Variants in OPCML observed in about 807,000 individuals in gnomAD.
OPCML encodes opioid-binding protein/cell adhesion molecule.
A neutral mutation model predicts 37.8 loss-of-function variants in OPCML; 13 were observed. The ratio of observed to expected loss-of-function variants is 0.34; its 90% CI spans 0.22 to 0.55. OPCML has a LOEUF of 0.55. Among genes scored for constraint, OPCML ranks in the 20% least tolerant of loss-of-function variants. The pLI, the probability that OPCML is intolerant of heterozygous loss-of-function variation, is 0.91. For synonymous variants in OPCML, 176 were observed against 168.8 expected, an observed-to-expected ratio of 1.04 and a Z score of -0.33; for missense variants, 341 against 435.6, an observed-to-expected ratio of 0.78 and a Z score of 1.93.
chr11:132,576,962 C>G (rs2096452454), intron 3 of OPCML, among the ~76,000 whole-genome samples: 1 of 152,140 alleles, frequency 6.6e-6, no homozygotes, highest in Non-Finnish European at 1.5e-5. Flanking sequence ...ACTGAGATCA[C>G]AGTCTGACCC....
chr11:132,830,950 T>C (rs930012205), intron 2 of OPCML, among the ~76,000 whole-genome samples: 4 of 152,180 alleles, frequency 2.6e-5, no homozygotes, highest in African/African-American at 7.2e-5. Flanking sequence ...TTTGATGCAA[T>C]AGGATATATT....
At chr11:133,395,526 T>C (rs964129407) in intron 1 of OPCML, among the ~76,000 whole-genome samples, 3 of 152,202 alleles carry the variant, frequency 2.0e-5, no homozygotes, top group Non-Finnish European at 4.4e-5. Flanking sequence ...TTTCATAGTT[T>C]GAGGTCTTAG....
intron 3 of OPCML, among the ~76,000 whole-genome samples, chr11:132,628,725 C>T (rs1331893230): frequency 6.6e-6 from 1 of 152,060 alleles, no homozygotes. Context: ...CCCCACGTGT[C>T]GTGGGAGGGA....
At chr11:132,835,002 A>C (rs917419143) in intron 2 of OPCML, among the ~76,000 whole-genome samples, 2 of 150,626 alleles carry the variant, frequency 1.3e-5, no homozygotes, top group Non-Finnish European at 3.0e-5. Flanking sequence ...AAAAAAAAAA[A>C]AACATGGAAA....
chr11:132,816,064 G>T (rs1485321715), intron 2 of OPCML, among the ~76,000 whole-genome samples: 1 of 152,202 alleles, frequency 6.6e-6, no homozygotes, highest in Non-Finnish European at 1.5e-5. Context: ...GCAAGTTGGA[G>T]TCTTGAGGAA....
At chr11:132,600,725 T>C (rs1485480778) in intron 3 of OPCML, among the ~76,000 whole-genome samples, 4 of 152,110 alleles carry the variant, frequency 2.6e-5, no homozygotes, top group Non-Finnish European at 5.9e-5. Flanking sequence ...CCCAGGTTAT[T>C]ATAACAGGTA....
intron 2 of OPCML, among the ~76,000 whole-genome samples, chr11:132,874,409 C>A (rs1361878361): frequency 7.1e-6 from 1 of 139,910 alleles, no homozygotes; most frequent in Non-Finnish European, 1.6e-5. Flanking sequence ...TCCCTCCCTC[C>A]CTCCCTCCCT....
intron 3 of OPCML, among the ~76,000 whole-genome samples, chr11:132,645,746 T>A (rs1046701098): frequency 6.6e-6 from 1 of 152,262 alleles, no homozygotes; most frequent in Non-Finnish European, 1.5e-5. Flanking sequence ...GTGTGTCTAT[T>A]TCAAATTAAA....
At chr11:133,338,904 G>T (rs1943801833) in intron 1 of OPCML, among the ~76,000 whole-genome samples, 1 of 152,118 alleles carries the variant, frequency 6.6e-6, no homozygotes, top group South Asian at 2.1e-4. Context: ...TCAAGACAGG[G>T]GTTGCTAATT....
At chr11:133,129,367 C>T (rs1220625175) in intron 1 of OPCML, among the ~76,000 whole-genome samples, 2 of 152,084 alleles carry the variant, frequency 1.3e-5, no homozygotes, top group Admixed American at 1.3e-4. Flanking sequence ...CGCAGGAAAG[C>T]CGTGTAATGC....
chr11:133,499,054 G>A (rs539833130), intron 1 of OPCML, among the ~76,000 whole-genome samples: 1 of 152,248 alleles, frequency 6.6e-6, no homozygotes, highest in South Asian at 2.1e-4. Context: ...ATCTTGACCT[G>A]GAACCACCAT....
intron 3 of OPCML, among the ~76,000 whole-genome samples, chr11:132,595,247 G>C (rs1321229437): frequency 2.6e-5 from 4 of 152,058 alleles, no homozygotes; most frequent in African/African-American, 9.7e-5. Flanking sequence ...ACATGATCCA[G>C]GGAGAGGAGG....
chr11:132,705,591 C>CA (rs1460689612), intron 2 of OPCML, among the ~76,000 whole-genome samples: 55 of 151,582 alleles, frequency 3.6e-4, no homozygotes, highest in Admixed American at 3.5e-3. Context: ...GACCTGGTCT[C>CA]AAAAAAAATA....
rs1259855857 is a variant in OPCML at position 132,419,587 on chromosome 11, A to C, written c.*606T>G. The C allele has an allele frequency of 6.6e-6, 1 of 152,202 alleles. No homozygotes were observed. The highest frequency in any genetic ancestry group is 2.4e-5 in the African/African-American group (1 of 41,442). The allele number at this position is 152,202 out of a possible 1,614,324, so 9.4% of individuals were successfully genotyped here. ...ATGGTGGAAGGAATGAGTAGAGCGG[A>C]GGGGCTACAGAAGATGGCACAATCA... On this transcript the variant is annotated 3_prime_UTR_variant, in exon 8 of 8. Coordinates refer to ENST00000524381, the MANE Select transcript of OPCML (RefSeq NM_001012393.5).
intron 1 of OPCML, among the ~76,000 whole-genome samples, chr11:133,294,782 A>G (rs1053140151): frequency 2.4e-4 from 21 of 87,392 alleles, no homozygotes; most frequent in African/African-American, 1.3e-3. Context: ...GCAAACAGAA[A>G]CTTTCTTTTT....
At chr11:133,226,872 C>A (rs1940062268) in intron 1 of OPCML, among the ~76,000 whole-genome samples, 1 of 152,146 alleles carries the variant, frequency 6.6e-6, no homozygotes, top group Non-Finnish European at 1.5e-5. Context: ...CACCCAGCAC[C>A]CTGAGAGAGA....
intron 1 of OPCML, chr11:133,005,026 G>C: frequency 1.0e-6 from 1 of 985,274 alleles, no homozygotes; most frequent in Non-Finnish European, 1.2e-6. Flanking sequence ...TCTCAGCATT[G>C]GTGGCAGCCG....
chr11:133,515,999 A>G (rs1050933900), intron 1 of OPCML, among the ~76,000 whole-genome samples: 16 of 152,208 alleles, frequency 1.1e-4, no homozygotes, highest in Admixed American at 3.3e-4. Flanking sequence ...ATGCCTGCTC[A>G]ACACAACGCC....
chr11:133,463,700 T>C (rs915722725), intron 1 of OPCML, among the ~76,000 whole-genome samples: 8 of 152,172 alleles, frequency 5.3e-5, no homozygotes, highest in African/African-American at 1.9e-4. Flanking sequence ...ACACCTGGAA[T>C]GCGCCCAACT....
Sources: gnomAD v4.1 joint callset for allele counts (sites outside exome capture counted in the v4.1 genomes callset) on GRCh38, gnomAD v4.1.1 for gene constraint, MANE v1.5 for transcripts, NCBI Gene and HGNC (gene_info 2026-07-23, HGNC 2026-07-21) for gene names.